CTNND2: variants seen among roughly 807,000 people sequenced by gnomAD.
CTNND2 encodes the protein catenin delta 2.
In CTNND2, 22 loss-of-function variants were observed where a neutral mutation model predicts 144.4. The ratio of observed to expected loss-of-function variants is 0.15; its 90% CI spans 0.11 to 0.22. CTNND2 has a LOEUF of 0.22. Among genes scored for constraint, CTNND2 ranks in the 10% least tolerant of loss-of-function variants. The probability of loss-of-function intolerance (pLI) is 1.00; values close to 1 mark genes in which losing one functional copy is unlikely to be tolerated. For synonymous variants in CTNND2, 751 were observed against 695.6 expected (o/e 1.08, Z -1.25); for missense variants, 1,353 against 1,618.8 (o/e 0.84, Z 2.82).
intron 16 of CTNND2, among the ~76,000 whole-genome samples, chr5:11,044,809 G>A (rs959012138): frequency 6.6e-6 from 1 of 152,228 alleles, no homozygotes; most frequent in African/African-American, 2.4e-5. Context: ...AGGATCAGCT[G>A]GTGGTTCTGC....
At chr5:11,622,215 A>G (rs1780882549) in intron 2 of CTNND2, among the ~76,000 whole-genome samples, 1 of 152,148 alleles carries the variant, frequency 6.6e-6, no homozygotes. Flanking sequence ...AAAATACCTT[A>G]AAATTAGGAT....
chr5:11,737,028 TC>T, intron 1 of CTNND2, among the ~76,000 whole-genome samples: 1 of 111,702 alleles, frequency 9.0e-6, no homozygotes, highest in East Asian at 3.6e-4. Context: ...TATCTACCTG[TC>T]TTTTATATGT....
intron 3 of CTNND2, among the ~76,000 whole-genome samples, chr5:11,456,571 C>T (rs1313670387): frequency 2.0e-5 from 3 of 152,106 alleles, no homozygotes; most frequent in Non-Finnish European, 2.9e-5. Flanking sequence ...GGAAGGTTGC[C>T]TCAAACATGT....
At chr5:11,087,843 C>T (rs904613968) in intron 15 of CTNND2, among the ~76,000 whole-genome samples, 2 of 152,078 alleles carry the variant, frequency 1.3e-5, no homozygotes, top group African/African-American at 4.8e-5. Context: ...TTATGCAATG[C>T]TCAAAATATT....
intron 2 of CTNND2, chr5:11,588,920 C>T: frequency 1.0e-6 from 1 of 985,342 alleles, no homozygotes; most frequent in Non-Finnish European, 1.2e-6. Context: ...AAAGGAACCA[C>T]AGAGCAGCTC....
chr5:11,446,303 C>T (rs559982256), intron 3 of CTNND2, among the ~76,000 whole-genome samples: 2 of 152,284 alleles, frequency 1.3e-5, no homozygotes, highest in South Asian at 2.1e-4. Context: ...AAATCGGTAG[C>T]TTGACTTACA....
At chr5:11,886,306 C>T (rs1264214636) in intron 1 of CTNND2, among the ~76,000 whole-genome samples, 8 of 151,930 alleles carry the variant, frequency 5.3e-5, no homozygotes, top group Admixed American at 5.2e-4. Context: ...CCAAATAGTA[C>T]TTTGTTTATC....
At chr5:11,710,338 C>T (rs1056127073) in intron 2 of CTNND2, among the ~76,000 whole-genome samples, 2 of 151,964 alleles carry the variant, frequency 1.3e-5, no homozygotes, top group African/African-American at 2.4e-5. Context: ...GTCAAGGGAT[C>T]GAGATCATCC....
chr5:11,487,247 C>T (rs1768919314), intron 3 of CTNND2, among the ~76,000 whole-genome samples: 1 of 152,160 alleles, frequency 6.6e-6, no homozygotes. Context: ...AAATGCAAAA[C>T]TTACTAAAAT....
At chr5:11,191,558 C>T (rs567609914) in intron 11 of CTNND2, among the ~76,000 whole-genome samples, 1 of 152,292 alleles carries the variant, frequency 6.6e-6, no homozygotes, top group East Asian at 1.9e-4. Context: ...TTGAGACTGT[C>T]CATGGAGACA....
chr5:11,322,030 G>T (rs953787145), intron 9 of CTNND2, among the ~76,000 whole-genome samples: 1 of 152,036 alleles, frequency 6.6e-6, no homozygotes. Context: ...CGCCTCTGGT[G>T]GTGTCCTGTT....
chr5:11,864,865 C>A (rs1251683847), intron 1 of CTNND2, among the ~76,000 whole-genome samples: 1 of 144,158 alleles, frequency 6.9e-6, no homozygotes, highest in African/African-American at 2.5e-5. Flanking sequence ...TGTCTGATCT[C>A]AACTGTTCTT....
chr5:11,788,204 A>G (rs960335499), intron 1 of CTNND2, among the ~76,000 whole-genome samples: 1 of 152,178 alleles, frequency 6.6e-6, no homozygotes, highest in Non-Finnish European at 1.5e-5. Context: ...TATGTATCAT[A>G]ATATTCAGGA....
chr5:11,747,394 T>C (rs1361341510), intron 1 of CTNND2, among the ~76,000 whole-genome samples: 2 of 152,210 alleles, frequency 1.3e-5, no homozygotes, highest in Non-Finnish European at 2.9e-5. Flanking sequence ...GAATTGACTA[T>C]TCTTTTGGCT....
chr5:11,858,322 C>A (rs907797664), intron 1 of CTNND2, among the ~76,000 whole-genome samples: 1 of 152,010 alleles, frequency 6.6e-6, no homozygotes, highest in African/African-American at 2.4e-5. Flanking sequence ...AAAGAAACTC[C>A]CAGAATTTTA....
chr5:11,865,875 G>C (rs953648895), intron 1 of CTNND2, among the ~76,000 whole-genome samples: 1 of 109,288 alleles, frequency 9.2e-6, no homozygotes, highest in Admixed American at 1.4e-4. Context: ...AAGGAATGTG[G>C]GGGCAACCTT....
intron 6 of CTNND2, 22 bp downstream of exon 6, chr5:11,397,009 C>G (rs1760200590): frequency 6.2e-7 from 1 of 1,603,036 alleles, no homozygotes; most frequent in African/African-American, 1.3e-5. Flanking sequence ...TCCACTGACA[C>G]CATACAGCAC....
At chr5:11,883,347 AC>A (rs1464195113) in intron 1 of CTNND2, among the ~76,000 whole-genome samples, 2 of 152,032 alleles carry the variant, frequency 1.3e-5, no homozygotes, top group African/African-American at 4.8e-5. Context: ...CCACACCCTG[AC>A]AGGCCTCAGC....
chr5:11,128,964 TAA>T lies in CTNND2; in HGVS notation c.2160-11399_2160-11398del, dbSNP rs1166413909. 3.9e-4 allele frequency among the ~76,000 whole-genome samples: 19 copies of T among 48,358 alleles called. 1 individual carries two copies. Among genetic ancestry groups the T allele is most frequent in the Non-Finnish European group, 6.6e-4 (16 of 24,258 alleles). The allele number at this position is 48,358 out of a possible 152,430, so 31.7% of individuals were successfully genotyped here. On this transcript the variant is annotated intron_variant, in intron 12 of 21. Coordinates refer to ENST00000304623, the MANE Select transcript of CTNND2 (RefSeq NM_001332.4). ...ATTATATATAATATATAAATATATA[TAA>T]TATATAATATATAAATATATATAAT...
Sources: gnomAD v4.1 joint callset for allele counts (sites outside exome capture counted in the v4.1 genomes callset) on GRCh38, gnomAD v4.1.1 for gene constraint, MANE v1.5 for transcripts, NCBI Gene and HGNC (gene_info 2026-07-23, HGNC 2026-07-21) for gene names.